SLC6A3: variants seen among roughly 807,000 people sequenced by gnomAD.
The protein encoded by SLC6A3 is sodium-dependent dopamine transporter.
In SLC6A3, 19 loss-of-function variants were observed where a neutral mutation model predicts 70.4. That is an observed-to-expected ratio of 0.27 (90% confidence interval 0.19 to 0.40). SLC6A3 has a LOEUF of 0.40. SLC6A3 is among the 10% of genes least tolerant of loss of function. SLC6A3 has a pLI of 1.00. For synonymous variants in SLC6A3, 368 were observed against 356.6 expected (o/e 1.03, Z -0.36); for missense variants, 613 against 838.5 (o/e 0.73, Z 3.32).
intron 8 of SLC6A3, among the ~76,000 whole-genome samples, chr5:1,414,058 G>A (rs1041571803): frequency 2.6e-5 from 4 of 152,168 alleles, no homozygotes; most frequent in Non-Finnish European, 5.9e-5. Context: ...CCTGGGGAGC[G>A]GGCAGGGACA....
chr5:1,431,966 C>T (rs1756716255), intron 4 of SLC6A3, among the ~76,000 whole-genome samples: 1 of 152,190 alleles, frequency 6.6e-6, no homozygotes, highest in South Asian at 2.1e-4. Context: ...CCTACTGAAG[C>T]CAGAGACTTC....
chr5:1,439,633 G>A (rs10072809), intron 3 of SLC6A3, among the ~76,000 whole-genome samples: 8,473 of 152,268 alleles, frequency 0.056, 251 homozygotes, highest in Middle Eastern at 0.11. Flanking sequence ...TTGGTAATGC[G>A]TCCTGGGGCC....
chr5:1,437,544 G>GC lies in SLC6A3; in HGVS notation c.418+3814dup, dbSNP rs1414183333. Among the ~76,000 whole-genome samples the GC allele has an allele frequency of 6.6e-6, 1 of 152,248 alleles. No homozygotes were observed. Among genetic ancestry groups the GC allele is most frequent in the Non-Finnish European group, 1.5e-5 (1 of 68,034 alleles). ...ACCTCTCAGGACCCTGGGGTGCACT[G>GC]CGGGGCTGAAGGCCCCAGAGGCCCC... On this transcript the variant is annotated intron_variant, in intron 3 of 14. Coordinates refer to ENST00000270349, the MANE Select transcript of SLC6A3 (RefSeq NM_001044.5). This position sits in a 1 kb window ranked among gnomAD's most constrained non-coding sequence, Gnocchi z 4.8.
chr5:1,400,673 C>A (rs1041945430), intron 14 of SLC6A3, among the ~76,000 whole-genome samples: 1 of 152,208 alleles, frequency 6.6e-6, no homozygotes, highest in Non-Finnish European at 1.5e-5. Flanking sequence ...AGGGACCATG[C>A]TTTCCTCAGG....
chr5:1,436,139 T>G lies in SLC6A3; in HGVS notation c.419-3441A>C, dbSNP rs117998099. On this transcript the variant is annotated intron_variant, in intron 3 of 14. Coordinates refer to ENST00000270349, the MANE Select transcript of SLC6A3 (RefSeq NM_001044.5). This position sits in a 1 kb window ranked among gnomAD's most constrained non-coding sequence, Gnocchi z 5.2. ...GAACGGTAGTGGCCACTGTCAGCAC[T>G]GGCCAGGCATTCGGTTGCTCCAAGC... Among the ~76,000 whole-genome samples the G allele has an allele frequency of 6.4e-3, 968 of 152,326 alleles. 32 individuals carry two copies. Among genetic ancestry groups the G allele is most frequent in the Admixed American group, 0.042 (649 of 15,300 alleles).
At chr5:1,415,682 C>G (rs766158485) in intron 7 of SLC6A3, among the ~76,000 whole-genome samples, 1 of 151,930 alleles carries the variant, frequency 6.6e-6, no homozygotes, top group East Asian at 1.9e-4. Context: ...GTAAGTAACA[C>G]GGGGTGCATA....
At position 1,405,367 on chromosome 5, in the gene SLC6A3, G is replaced by C. The variant is rs1755947193; in HGVS notation, c.1599+821C>G. ...AGGGGTCTCCACGCACGCGGGCCCT[G>C]CTGACTCCGGGACCAGCCCTTGGTC... On this transcript the variant is annotated intron_variant, in intron 12 of 14. Transcript: ENST00000270349. The surrounding 1 kb of genome is among the most constrained non-coding windows in gnomAD (Gnocchi z 5.3). 6.6e-6 allele frequency among the ~76,000 whole-genome samples: 1 copy of C among 152,218 alleles called. No homozygotes were observed. Among genetic ancestry groups the C allele is most frequent in the South Asian group, 2.1e-4 (1 of 4,834 alleles).
chr5:1,411,013 C>T lies in SLC6A3; in HGVS notation c.1269+230G>A, dbSNP rs1560910745. Among the ~76,000 whole-genome samples the T allele has an allele frequency of 6.6e-6, 1 of 152,064 alleles. No homozygotes were observed. Among genetic ancestry groups the T allele is most frequent in the Non-Finnish European group, 1.5e-5 (1 of 68,000 alleles). The stretch of plus-strand genomic sequence containing the variant: ...TGTAGGTGGCTCAGGGCAGGGCACA[C>T]AGGTACCCCAGAGTAGGGGGATAAA... On this transcript the variant is annotated intron_variant, in intron 9 of 14. Coordinates refer to ENST00000270349, the MANE Select transcript of SLC6A3 (RefSeq NM_001044.5). The surrounding 1 kb of genome is among the most constrained non-coding windows in gnomAD (Gnocchi z 6.5).
chr5:1,421,975 G>T lies in SLC6A3; in HGVS notation c.693C>A (p.Asp231Glu). The change falls in exon 5 of 15, where the codon GAC becomes GAA. Residue 231 changes from aspartate (D) to glutamate (E), a missense_variant. Coordinates refer to ENST00000270349, the MANE Select transcript of SLC6A3 (RefSeq NM_001044.5). This position sits in a 1 kb window ranked among gnomAD's most constrained non-coding sequence, Gnocchi z 7.2. ...VLHLHQSHGI[D>E]DLGPPRWQLT... ...GCTGCCACCGCGGAGGCCCCAGGTC[G>T]TCGATGCCATGGCTCTGGTGGAGGT... The T allele has an allele frequency of 6.2e-7, 1 of 1,612,948 alleles. No individual in the cohort carries two copies. Among genetic ancestry groups the T allele is most frequent in the Non-Finnish European group, 8.5e-7 (1 of 1,180,016 alleles).
In SLC6A3 at chr5:1,408,564, G is replaced by A. The variant is rs1756041666; in HGVS notation, c.1498+462C>T. 2.0e-5 allele frequency among the ~76,000 whole-genome samples: 3 copies of A among 152,304 alleles called. No homozygotes were observed. The highest frequency in any genetic ancestry group is 3.9e-4 in the East Asian group (2 of 5,188). ...CTGGTGGAAGTCCCAGGACACAGCT[G>A]GGGCAGCACAATGGGCCAGGAGCTG... On this transcript the variant is annotated intron_variant, in intron 11 of 14. Transcript: ENST00000270349. The surrounding 1 kb of genome is among the most constrained non-coding windows in gnomAD (Gnocchi z 6.4).
Position 1,438,907 on chromosome 5 carries a change from C to A in SLC6A3, c.418+2452G>T, listed in dbSNP as rs1756902535. ...TGGGCCGGCTTCATCTCTGACTCAGCATCCCAAGGCTCTGAGCCCTCAGAT... is the reference window on the plus strand; with the variant it reads ...TGGGCCGGCTTCATCTCTGACTCAGAATCCCAAGGCTCTGAGCCCTCAGAT... On this transcript the variant is annotated intron_variant, in intron 3 of 14. Transcript: ENST00000270349. The surrounding 1 kb of genome is among the most constrained non-coding windows in gnomAD (Gnocchi z 6.5). 6.6e-6 allele frequency among the ~76,000 whole-genome samples: 1 copy of A among 152,226 alleles called. No homozygotes were observed. The highest frequency in any genetic ancestry group is 1.5e-5 in the Non-Finnish European group (1 of 68,044).
chr5:1,417,724 AC>A (rs918418382), intron 6 of SLC6A3, among the ~76,000 whole-genome samples: 1 of 151,764 alleles, frequency 6.6e-6, no homozygotes, highest in Non-Finnish European at 1.5e-5. Context: ...GGAGCAGCCA[AC>A]CCCCCCTTGG....
In SLC6A3 at chr5:1,411,982, C is replaced by T. The variant is rs998291238; in HGVS notation, c.1157-627G>A. ...CAAACTCATACATGCAAGAACACAT[C>T]CACATGCACGCACACAAACAGAAAC... On this transcript the variant is annotated intron_variant, in intron 8 of 14. Transcript: ENST00000270349. The surrounding 1 kb of genome is among the most constrained non-coding windows in gnomAD (Gnocchi z 6.5). Among the ~76,000 whole-genome samples the T allele has an allele frequency of 6.6e-6, 1 of 151,240 alleles. No homozygotes were observed. The highest frequency in any genetic ancestry group is 1.5e-5 in the Non-Finnish European group (1 of 67,970).
rs935910914 is a variant in SLC6A3 at position 1,401,618 on chromosome 5, C to T, written c.1768-632G>A. On this transcript the variant is annotated intron_variant, in intron 13 of 14. Coordinates refer to ENST00000270349, the MANE Select transcript of SLC6A3 (RefSeq NM_001044.5). This position sits in a 1 kb window ranked among gnomAD's most constrained non-coding sequence, Gnocchi z 6.1. ...GACCCCTGTGCGTGGCCCCACCCCA[C>T]GTCATCACCACAATTCCACTTGTAC... 1.3e-5 allele frequency among the ~76,000 whole-genome samples: 2 copies of T among 152,216 alleles called. No individual in the cohort carries two copies. The highest frequency in any genetic ancestry group is 4.8e-5 in the African/African-American group (2 of 41,448).
chr5:1,400,884 G>T (rs772933596), intron 14 of SLC6A3, 31 bp downstream of exon 14: 1 of 1,469,668 alleles, frequency 6.8e-7, no homozygotes, highest in Non-Finnish European at 9.3e-7. Context: ...GAATTCCCCC[G>T]AGAGAGGCCC....
chr5:1,395,937 A>G (rs1755707170), intron 14 of SLC6A3, among the ~76,000 whole-genome samples: 1 of 152,216 alleles, frequency 6.6e-6, no homozygotes, highest in African/African-American at 2.4e-5. Context: ...GACTAGAAAC[A>G]GAAGACAGCA....
intron 9 of SLC6A3, among the ~76,000 whole-genome samples, chr5:1,410,696 C>G (rs1047423751): frequency 5.3e-5 from 8 of 152,126 alleles, no homozygotes; most frequent in South Asian, 2.1e-4. Context: ...GGGAAAGCCA[C>G]GAGATATGAA....
At chr5:1,441,217 A>G in intron 3 of SLC6A3, 142 bp downstream of exon 3, 3 of 970,212 alleles carry the variant, frequency 3.1e-6, no homozygotes, top group Non-Finnish European at 4.9e-6. Context: ...GGTGGGACCC[A>G]AGTTCAAGTG....
At chr5:1,407,371 G>A (rs1173252012) in intron 11 of SLC6A3, among the ~76,000 whole-genome samples, 3 of 146,426 alleles carry the variant, frequency 2.0e-5, no homozygotes, top group Non-Finnish European at 4.6e-5. Context: ...GAGAGGTGAG[G>A]CCGGAAGAAG....
Sources: gnomAD v4.1 joint callset for allele counts (sites outside exome capture counted in the v4.1 genomes callset) on GRCh38, gnomAD v4.1.1 for gene constraint, Gnocchi (gnomAD v3.1) non-coding constraint, MANE v1.5 for transcripts, NCBI Gene and HGNC (gene_info 2026-07-23, HGNC 2026-07-21) for gene names.